INPP5K: variants seen among roughly 807,000 people sequenced by gnomAD.
The protein encoded by INPP5K is inositol polyphosphate 5-phosphatase K.
In INPP5K, 35 loss-of-function variants were observed where a neutral mutation model predicts 53.5. The ratio of observed to expected loss-of-function variants is 0.65; its 90% CI spans 0.50 to 0.87. INPP5K has a LOEUF of 0.87. Among genes scored for constraint, INPP5K ranks in the 40% least tolerant of loss-of-function variants. INPP5K has a pLI of 0.00. For missense variants in INPP5K, 550 were observed against 586.2 expected, an observed-to-expected ratio of 0.94 and a Z score of 0.64; for synonymous variants, 253 against 232.8, an observed-to-expected ratio of 1.09 and a Z score of -0.79.
intron 10 of INPP5K, 30 bp from the exon 11 acceptor site, chr17:1,496,194 G>A (rs889816804): frequency 1.9e-6 from 3 of 1,540,898 alleles, no homozygotes; most frequent in Non-Finnish European, 2.7e-6. Flanking sequence ...ACTGGGGTCA[G>A]CTCCAGGGCT....
chr17:1,516,306 G>T, intron 1 of INPP5K, 150 bp downstream of exon 1: 2 of 987,060 alleles, frequency 2.0e-6, no homozygotes, highest in Non-Finnish European at 2.9e-6. Context: ...GCCCAACACA[G>T]CCCACCTGAC....
chr17:1,502,153 T>A (rs183132448), intron 7 of INPP5K, among the ~76,000 whole-genome samples: 2 of 150,302 alleles, frequency 1.3e-5, no homozygotes, highest in Admixed American at 6.6e-5. Flanking sequence ...ATGGAGACCA[T>A]CCTGGCTAAC....
At chr17:1,505,562 T>G (rs1442181099) in intron 7 of INPP5K, among the ~76,000 whole-genome samples, 1 of 152,060 alleles carries the variant, frequency 6.6e-6, no homozygotes, top group Non-Finnish European at 1.5e-5. Context: ...GTCCACTGCC[T>G]CCTCTTCTGT....
At chr17:1,508,048 T>C (rs1189993191) in intron 6 of INPP5K, 67 bp downstream of exon 6, 3 of 1,132,040 alleles carry the variant, frequency 2.7e-6, no homozygotes, top group Admixed American at 3.4e-5. Context: ...AGCAACACTC[T>C]GCACAGCTCA....
intron 7 of INPP5K, among the ~76,000 whole-genome samples, chr17:1,502,701 G>A (rs1248038057): frequency 6.6e-6 from 1 of 152,204 alleles, no homozygotes; most frequent in Non-Finnish European, 1.5e-5. Flanking sequence ...AAGTGAGCGT[G>A]TACAAATTAA....
intron 7 of INPP5K, among the ~76,000 whole-genome samples, chr17:1,501,257 C>G (rs2075006714): frequency 6.6e-6 from 1 of 152,232 alleles, no homozygotes; most frequent in Non-Finnish European, 1.5e-5. Context: ...CGTGCCTGGC[C>G]TATTCAACTG....
intron 5 of INPP5K, 22 bp from the exon 6 acceptor site, chr17:1,508,248 G>A (rs1226830085): frequency 6.4e-7 from 1 of 1,569,870 alleles, no homozygotes; most frequent in Non-Finnish European, 8.8e-7. Flanking sequence ...AAGGAGGGCA[G>A]CCTGAGGATT....
chr17:1,501,461 C>T (rs141742208), intron 7 of INPP5K, among the ~76,000 whole-genome samples: 3 of 152,292 alleles, frequency 2.0e-5, no homozygotes, highest in African/African-American at 7.2e-5. Context: ...CTCTAAGCCT[C>T]AGTTTCTTCA....
chr17:1,511,302 C>G (rs2075302351), intron 3 of INPP5K, among the ~76,000 whole-genome samples: 1 of 152,122 alleles, frequency 6.6e-6, no homozygotes, highest in Non-Finnish European at 1.5e-5. Context: ...AAAACAACAT[C>G]AAAGGGCTAG....
intron 2 of INPP5K, 48 bp from the exon 3 acceptor site, chr17:1,513,609 C>A (rs2075360296): frequency 2.0e-6 from 3 of 1,479,548 alleles, no homozygotes; most frequent in Non-Finnish European, 2.8e-6. Flanking sequence ...CAGGCTACTT[C>A]CCCTGCCACA....
chr17:1,501,183 C>T (rs2075004152), intron 7 of INPP5K, among the ~76,000 whole-genome samples: 1 of 152,150 alleles, frequency 6.6e-6, no homozygotes, highest in East Asian at 1.9e-4. Flanking sequence ...TGGTCTTGAA[C>T]TCCTGACCTT....
chr17:1,495,264 G>T lies in INPP5K; in HGVS notation c.*559C>A. 6.5e-6 allele frequency: 1 copy of T among 152,678 alleles called. No homozygotes were observed. 9.5% of individuals were successfully genotyped at this position (152,678 alleles called of 1,614,324 possible). Reference sequence around the variant, plus strand: ...CCATGGCGTAAGAGCCTGGCTAGAGGGGCCCCTCCATTCTGCCCACTGAGT... The same window carrying T: ...CCATGGCGTAAGAGCCTGGCTAGAGTGGCCCCTCCATTCTGCCCACTGAGT... On this transcript the variant is annotated 3_prime_UTR_variant, in exon 12 of 12. Coordinates refer to ENST00000421807, the MANE Select transcript of INPP5K (RefSeq NM_016532.4).
intron 5 of INPP5K, among the ~76,000 whole-genome samples, chr17:1,508,789 C>CA (rs370854717): frequency 1.3e-5 from 1 of 78,092 alleles, no homozygotes. Flanking sequence ...TGGCGGTCAG[C>CA]TGGGGCAGAG....
chr17:1,496,528 T>C, intron 9 of INPP5K, 126 bp from the exon 10 acceptor site: 1 of 1,367,168 alleles, frequency 7.3e-7, no homozygotes, highest in Non-Finnish European at 1.0e-6. Context: ...CGCCCTTCAC[T>C]GCCAGCCTTT....
intron 7 of INPP5K, among the ~76,000 whole-genome samples, chr17:1,506,047 G>A (rs1278358989): frequency 1.3e-5 from 2 of 151,998 alleles, no homozygotes; most frequent in Admixed American, 6.6e-5. Context: ...TTTTTGAGAC[G>A]GAGTCTCGCT....
intron 7 of INPP5K, among the ~76,000 whole-genome samples, chr17:1,501,909 C>CA (rs2075024357): frequency 6.6e-6 from 1 of 151,284 alleles, no homozygotes; most frequent in Non-Finnish European, 1.5e-5. Flanking sequence ...GTGGCATGTG[C>CA]CTGTAACCCC....
In INPP5K at chr17:1,516,578, G is replaced by A. The variant is rs1036145111; in HGVS notation, c.-79C>T. 4 of 1,444,442 alleles carry A rather than the reference G, an allele frequency of 2.8e-6. No homozygotes were observed. Among genetic ancestry groups the A allele is most frequent in the African/African-American group, 3.0e-5 (2 of 67,096 alleles). 89.5% of individuals were successfully genotyped at this position (1,444,442 alleles called of 1,614,324 possible). A position where few individuals can be genotyped will look rare whatever the true frequency, so the allele number is the denominator to read the frequency against. ...GGGTCCCGGCCAGAGCAGCCCTGCG[G>A]GCGGCCGGTCTCACGCGCCTAGCTG... On this transcript the variant is annotated 5_prime_UTR_variant, in exon 1 of 12. Transcript: ENST00000421807.
chr17:1,502,772 C>G (rs2075057599), intron 7 of INPP5K, among the ~76,000 whole-genome samples: 1 of 152,190 alleles, frequency 6.6e-6, no homozygotes, highest in South Asian at 2.1e-4. Context: ...GTCATGCAGG[C>G]TGGAGTGCAG....
In INPP5K at chr17:1,508,199, GT is replaced by G; in HGVS notation, c.581del (p.Asn194ThrfsTer82). ...HDLIIWFGDMNFRIEDFGLHF... is the reference protein window; with the variant it reads ...HDLIIWFGDMXFRIEDFGLHF... ...GCAACCCAAAGTCCTCGATCCGAAA[GT>G]TCATGTCTCCAAACCAGATAATGAG... On this transcript the variant is annotated frameshift_variant, in exon 6 of 12. Transcript: ENST00000421807. LOFTEE classifies it high-confidence loss of function. 1 of 1,614,052 alleles carries G rather than the reference GT, an allele frequency of 6.2e-7. No individual in the cohort carries two copies. Among genetic ancestry groups the G allele is most frequent in the Non-Finnish European group, 8.5e-7 (1 of 1,179,946 alleles).
Sources: gnomAD v4.1 joint callset for allele counts (sites outside exome capture counted in the v4.1 genomes callset) on GRCh38, gnomAD v4.1.1 for gene constraint, MANE v1.5 for transcripts, NCBI Gene and HGNC (gene_info 2026-07-23, HGNC 2026-07-21) for gene names.